Variants in NXPE4 observed in about 807,000 individuals in gnomAD.
NXPE4 encodes the protein neurexophilin and PC-esterase domain family member 4.
Under a neutral mutation model 33.3 loss-of-function variants are expected in NXPE4, and 42 were observed. The ratio of observed to expected loss-of-function variants is 1.26; its 90% confidence interval spans 0.98 to 1.63. The LOEUF (loss-of-function observed/expected upper bound fraction) is 1.63. Ranked by LOEUF, NXPE4 falls within the 40% of genes most tolerant of loss-of-function variation. The probability of loss-of-function intolerance (pLI) is 0.00; values close to 1 mark genes in which losing one functional copy is unlikely to be tolerated. For synonymous variants in NXPE4, 253 were observed against 234.9 expected, an observed-to-expected ratio of 1.08 and a Z score of -0.71; for missense variants, 709 against 647.6, an observed-to-expected ratio of 1.09 and a Z score of -1.03.
the NXPE4 span, among the ~76,000 whole-genome samples, chr11:114,674,991 G>T: frequency 6.6e-6 from 1 of 151,766 alleles, no homozygotes; most frequent in Non-Finnish European, 1.5e-5. Flanking sequence ...TGCAAGGATG[G>T]TTCAACATAC....
the NXPE4 span, among the ~76,000 whole-genome samples, chr11:114,602,512 A>G: frequency 1.5e-5 from 2 of 137,916 alleles, no homozygotes. Flanking sequence ...TGTAAATTAT[A>G]GATTATACCA....
In NXPE4 at chr11:114,581,787, C is replaced by G; in HGVS notation, c.831-1G>C. On this transcript the variant is annotated splice_acceptor_variant, in intron 3 of 5. Transcript: ENST00000375478. LOFTEE classifies it high-confidence loss of function. ...CATAATCTCTACACCCACATTTGAC[C>G]TTAAAGACACAAATACAGAAATTAA... 1.9e-6 allele frequency: 3 copies of G among 1,602,800 alleles called. No individual in the cohort carries two copies. Among genetic ancestry groups the G allele is most frequent in the Non-Finnish European group, 2.6e-6 (3 of 1,173,540 alleles).
intron 2 of NXPE4, among the ~76,000 whole-genome samples, chr11:114,588,966 T>C (rs1397294124): frequency 6.6e-6 from 1 of 152,042 alleles, no homozygotes; most frequent in Non-Finnish European, 1.5e-5. Context: ...CCTTAGTCTT[T>C]TATAGTAGGG....
the NXPE4 span, among the ~76,000 whole-genome samples, chr11:114,626,900 A>G: frequency 6.6e-6 from 1 of 152,142 alleles, no homozygotes; most frequent in Admixed American, 6.6e-5. Flanking sequence ...GATGCGATCA[A>G]CTGGAAGAAA....
the NXPE4 span, among the ~76,000 whole-genome samples, chr11:114,616,220 T>G: frequency 4.0e-5 from 6 of 151,506 alleles, no homozygotes; most frequent in Non-Finnish European, 8.8e-5. Context: ...TGGTGGATAA[T>G]AAGTATTGCC....
chr11:114,632,555 T>C, the NXPE4 span, among the ~76,000 whole-genome samples: 1 of 117,642 alleles, frequency 8.5e-6, no homozygotes, highest in Non-Finnish European at 1.6e-5. Context: ...TGTATATATT[T>C]GTTATATATT....
intron 2 of NXPE4, chr11:114,583,488 T>C: frequency 1.6e-6 from 1 of 636,590 alleles, no homozygotes; most frequent in Non-Finnish European, 3.0e-6. Context: ...TTGTGCTCCA[T>C]CTATCCAGAT....
the NXPE4 span, among the ~76,000 whole-genome samples, chr11:114,657,815 T>G: frequency 1.3e-5 from 2 of 152,188 alleles, no homozygotes; most frequent in Non-Finnish European, 2.9e-5. Flanking sequence ...ATATACTCTT[T>G]TCACTTACAA....
the NXPE4 span, among the ~76,000 whole-genome samples, chr11:114,663,619 A>ATCTC: frequency 4.2e-5 from 4 of 95,222 alleles, no homozygotes; most frequent in African/African-American, 1.5e-4. Flanking sequence ...CTATCTATCT[A>ATCTC]TCTATCTATC....
chr11:114,650,081 A>C, the NXPE4 span, among the ~76,000 whole-genome samples: 1 of 152,200 alleles, frequency 6.6e-6, no homozygotes, highest in South Asian at 2.1e-4. Flanking sequence ...TGAGAAAAAA[A>C]ATCCAGGTAA....
the NXPE4 span, among the ~76,000 whole-genome samples, chr11:114,647,215 A>G: frequency 6.6e-6 from 1 of 152,206 alleles, no homozygotes; most frequent in South Asian, 2.1e-4. Context: ...CTACATTCGT[A>G]GATTTGGGTA....
chr11:114,596,135 T>A (rs532524091), upstream of NXPE4, among the ~76,000 whole-genome samples: 2 of 152,266 alleles, frequency 1.3e-5, no homozygotes, highest in African/African-American at 4.8e-5. Context: ...GTTGGCAGGA[T>A]TCAAGTGCGT....
the NXPE4 span, among the ~76,000 whole-genome samples, chr11:114,601,505 A>ATTATTTAT: frequency 2.5e-5 from 2 of 79,720 alleles, no homozygotes; most frequent in South Asian, 3.4e-4. Context: ...TATAGTATAT[A>ATTATTTAT]AATTATATAT....
chr11:114,573,956 T>G (rs1033757622), intron 5 of NXPE4, among the ~76,000 whole-genome samples: 1 of 152,100 alleles, frequency 6.6e-6, no homozygotes, highest in Non-Finnish European at 1.5e-5. Flanking sequence ...GAGCATATGA[T>G]AGGCCACAAA....
the NXPE4 span, among the ~76,000 whole-genome samples, chr11:114,626,649 G>T: frequency 3.9e-5 from 6 of 152,308 alleles, no homozygotes; most frequent in Admixed American, 1.3e-4. Context: ...TTCCTCACCA[G>T]CAACAGAACA....
chr11:114,632,990 A>G, the NXPE4 span, among the ~76,000 whole-genome samples: 1 of 104,102 alleles, frequency 9.6e-6, no homozygotes, highest in Non-Finnish European at 1.7e-5. Flanking sequence ...ATATTTTTAT[A>G]TAATATATAA....
At chr11:114,594,811 A>G (rs754803086) in intron 1 of NXPE4, 42 bp from the exon 2 acceptor site, 2 of 1,002,918 alleles carry the variant, frequency 2.0e-6, no homozygotes, top group East Asian at 2.5e-5. Flanking sequence ...AACATACAAC[A>G]AAACAGAAAA....
the NXPE4 span, among the ~76,000 whole-genome samples, chr11:114,666,995 A>G: frequency 6.6e-6 from 1 of 152,260 alleles, no homozygotes; most frequent in South Asian, 2.1e-4. Context: ...CACAGGTTTG[A>G]ACATTAATCA....
chr11:114,614,677 T>G, the NXPE4 span, among the ~76,000 whole-genome samples: 1 of 151,090 alleles, frequency 6.6e-6, no homozygotes, highest in South Asian at 2.1e-4. Context: ...ACTGGATAAG[T>G]GTTGCCTCGT....
Sources: allele counts gnomAD v4.1 joint callset (sites outside exome capture counted in the v4.1 genomes callset), GRCh38; gene constraint gnomAD v4.1.1; transcripts MANE v1.5; gene names NCBI Gene and HGNC (gene_info 2026-07-23, HGNC 2026-07-21).